The following LARGE1 variants were observed in gnomAD, a reference collection of about 807,000 sequenced individuals.
LARGE1 encodes the protein LARGE xylosyl- and glucuronyltransferase 1.
In LARGE1, 43 loss-of-function variants were observed where a neutral mutation model predicts 87.6. That is an observed-to-expected ratio of 0.49 (90% CI 0.38 to 0.63). The LOEUF (loss-of-function observed/expected upper bound fraction) is 0.63. Among genes scored for constraint, LARGE1 ranks in the 30% least tolerant of loss-of-function variants. LARGE1 has a pLI of 0.00. For synonymous variants in LARGE1, 434 were observed against 394.6 expected (o/e 1.10, Z -1.18); for missense variants, 802 against 1,000.2 (o/e 0.80, Z 2.67).
At chr22:33,684,455 C>T (rs1262104459) in intron 2 of LARGE1, among the ~76,000 whole-genome samples, 1 of 151,964 alleles carries the variant, frequency 6.6e-6, no homozygotes, top group African/African-American at 2.4e-5. Context: ...GAGAAAATCC[C>T]ATAGAAGTCA....
At chr22:33,797,464 C>T (rs1026739063) in intron 1 of LARGE1, among the ~76,000 whole-genome samples, 1 of 152,182 alleles carries the variant, frequency 6.6e-6, no homozygotes, top group Non-Finnish European at 1.5e-5. Context: ...ACAACCAGTA[C>T]AATCAAAGCT....
At chr22:33,783,291 G>GACT (rs2085485447) in intron 1 of LARGE1, among the ~76,000 whole-genome samples, 1 of 152,118 alleles carries the variant, frequency 6.6e-6, no homozygotes, top group African/African-American at 2.4e-5. Flanking sequence ...TGGGAAAAGG[G>GACT]ACTAGAAGGC....
chr22:33,685,891 T>C (rs2081929018), intron 2 of LARGE1, among the ~76,000 whole-genome samples: 1 of 152,160 alleles, frequency 6.6e-6, no homozygotes, highest in Non-Finnish European at 1.5e-5. Flanking sequence ...AGCTGTAAAA[T>C]GTGGACCATC....
At chr22:33,226,298 CA>C (rs1374106116) in intron 11 of LARGE1, among the ~76,000 whole-genome samples, 2 of 152,252 alleles carry the variant, frequency 1.3e-5, no homozygotes, top group African/African-American at 4.8e-5. Context: ...CCACTTTGCA[CA>C]TTGCTATATC....
intron 3 of LARGE1, among the ~76,000 whole-genome samples, chr22:33,632,509 G>A (rs1193322466): frequency 6.6e-6 from 1 of 151,348 alleles, no homozygotes; most frequent in Admixed American, 6.6e-5. Flanking sequence ...GCACCAGTGG[G>A]GGTCTCAGAG....
At chr22:33,110,699 A>G in the LARGE1 span, 2 of 152,228 alleles carry the variant, frequency 1.3e-5, no homozygotes, top group South Asian at 2.1e-4. Context: ...GTCCAAGTCC[A>G]AACTGGGGCT....
chr22:33,242,013 C>T (rs1926547168), intron 11 of LARGE1, among the ~76,000 whole-genome samples: 1 of 151,956 alleles, frequency 6.6e-6, no homozygotes, highest in Non-Finnish European at 1.5e-5. Flanking sequence ...AATGTTTTCA[C>T]CATAGAAAAA....
intron 11 of LARGE1, among the ~76,000 whole-genome samples, chr22:33,224,341 A>G (rs961240994): frequency 7.9e-6 from 1 of 127,204 alleles, no homozygotes; most frequent in African/African-American, 3.5e-5. Flanking sequence ...GTATGACTAG[A>G]CAGCTCAGCT....
At chr22:33,720,371 C>T (rs2083058338) in intron 2 of LARGE1, among the ~76,000 whole-genome samples, 1 of 152,112 alleles carries the variant, frequency 6.6e-6, no homozygotes, top group Admixed American at 6.5e-5. Context: ...TGAAGCTTCT[C>T]TCACTGGCCG....
chr22:33,082,441 A>C, the LARGE1 span, among the ~76,000 whole-genome samples: 1 of 152,152 alleles, frequency 6.6e-6, no homozygotes, highest in Admixed American at 6.5e-5. Flanking sequence ...AAAGATGGAG[A>C]CCTGGCTGGA....
intron 7 of LARGE1, among the ~76,000 whole-genome samples, chr22:33,410,076 G>A (rs1423443760): frequency 6.6e-6 from 1 of 152,068 alleles, no homozygotes; most frequent in Non-Finnish European, 1.5e-5. Flanking sequence ...GGGATCACCT[G>A]CTTGGTTTTA....
intron 5 of LARGE1, among the ~76,000 whole-genome samples, chr22:33,586,513 T>G (rs1029208809): frequency 2.0e-5 from 3 of 151,382 alleles, no homozygotes; most frequent in Non-Finnish European, 4.4e-5. Context: ...TGGAGTGCAG[T>G]GGCACGATCT....
intron 6 of LARGE1, among the ~76,000 whole-genome samples, chr22:33,499,409 G>A (rs1230672102): frequency 6.6e-6 from 1 of 152,182 alleles, no homozygotes; most frequent in Non-Finnish European, 1.5e-5. Flanking sequence ...ATTGGTTAAG[G>A]AATGGGCATG....
intron 9 of LARGE1, among the ~76,000 whole-genome samples, chr22:33,339,838 T>C (rs1938946292): frequency 6.6e-6 from 1 of 152,044 alleles, no homozygotes; most frequent in South Asian, 2.1e-4. Context: ...AGCTAAGTTT[T>C]TGTATTTTGT....
the LARGE1 span, among the ~76,000 whole-genome samples, chr22:33,155,244 A>G: frequency 6.6e-6 from 1 of 152,122 alleles, no homozygotes; most frequent in African/African-American, 2.4e-5. Context: ...TACCTGTTAC[A>G]TTTTAACAGG....
intron 11 of LARGE1, among the ~76,000 whole-genome samples, chr22:33,177,865 C>G (rs1019182256): frequency 3.3e-5 from 5 of 152,140 alleles, no homozygotes; most frequent in Non-Finnish European, 7.3e-5. Flanking sequence ...ATCGTAGGGG[C>G]AGTATTCCTT....
intron 6 of LARGE1, among the ~76,000 whole-genome samples, chr22:33,549,080 G>A (rs991798526): frequency 6.6e-6 from 1 of 152,142 alleles, no homozygotes; most frequent in Admixed American, 6.5e-5. Context: ...GACCTACTCT[G>A]GTTGACAGTG....
At chr22:33,582,946 C>G (rs900301327) in intron 5 of LARGE1, among the ~76,000 whole-genome samples, 1 of 152,192 alleles carries the variant, frequency 6.6e-6, no homozygotes, top group Non-Finnish European at 1.5e-5. Context: ...AAAGAATGGG[C>G]ATTTGTGCCC....
intron 1 of LARGE1, among the ~76,000 whole-genome samples, chr22:33,828,708 C>A (rs1045697300): frequency 1.3e-5 from 2 of 152,140 alleles, no homozygotes; most frequent in East Asian, 1.9e-4. Flanking sequence ...GTGCCCAACA[C>A]CAATGTTAGC....
Sources: gnomAD v4.1 joint callset for allele counts (sites outside exome capture counted in the v4.1 genomes callset) on GRCh38, gnomAD v4.1.1 for gene constraint, MANE v1.5 for transcripts, NCBI Gene and HGNC (gene_info 2026-07-23, HGNC 2026-07-21) for gene names.